The following COL5A2 variants were observed in gnomAD, a reference collection of about 807,000 sequenced individuals.
COL5A2 encodes collagen type V alpha 2 chain.
A neutral mutation model predicts 208.2 loss-of-function variants in COL5A2; 23 were observed. The observed-to-expected ratio is 0.11, with a 90% CI of 0.08 to 0.16. The LOEUF is 0.16. COL5A2 is among the 10% of genes least tolerant of loss of function. The pLI, the probability that COL5A2 is intolerant of heterozygous loss-of-function variation, is 1.00. For synonymous variants in COL5A2, 625 were observed against 628.5 expected (o/e 0.99, Z 0.08); for missense variants, 1,590 against 1,956.4 (o/e 0.81, Z 3.53).
chr2:189,063,852 G>A, intron 26 of COL5A2, 128 bp downstream of exon 26: 2 of 725,926 alleles, frequency 2.8e-6, no homozygotes. Flanking sequence ...GCTTCCAGAA[G>A]TTGGTACAAA....
At chr2:189,388,222 A>C in the COL5A2 span, among the ~76,000 whole-genome samples, 9 of 152,308 alleles carry the variant, frequency 5.9e-5, no homozygotes, top group African/African-American at 1.9e-4. Flanking sequence ...TTACTGCTAT[A>C]TGAAAATAAA....
the COL5A2 span, among the ~76,000 whole-genome samples, chr2:189,254,471 GT>G: frequency 6.6e-6 from 1 of 152,214 alleles, no homozygotes; most frequent in Non-Finnish European, 1.5e-5. Context: ...GCTTTAAAAT[GT>G]TTTGGGAGGG....
the COL5A2 span, among the ~76,000 whole-genome samples, chr2:189,248,794 T>C: frequency 1.3e-5 from 2 of 152,290 alleles, no homozygotes; most frequent in Middle Eastern, 3.4e-3. Context: ...GATTTTGTGG[T>C]TTGAATAATA....
chr2:189,252,111 A>C, the COL5A2 span, among the ~76,000 whole-genome samples: 1 of 152,196 alleles, frequency 6.6e-6, no homozygotes, highest in African/African-American at 2.4e-5. Flanking sequence ...GTCAGGAAAC[A>C]ACAGGTGCTG....
the COL5A2 span, among the ~76,000 whole-genome samples, chr2:189,231,034 G>T: frequency 3.3e-5 from 5 of 151,898 alleles, no homozygotes; most frequent in African/African-American, 1.2e-4. Context: ...CAACATGGAT[G>T]AATCTTGGAG....
At chr2:189,072,400 T>TA (rs1392939592) in intron 17 of COL5A2, among the ~76,000 whole-genome samples, 1 of 152,184 alleles carries the variant, frequency 6.6e-6, no homozygotes, top group Admixed American at 6.5e-5. Flanking sequence ...TTCTTTGTGT[T>TA]AATCAAATAA....
the COL5A2 span, among the ~76,000 whole-genome samples, chr2:189,358,615 CT>C: frequency 6.6e-6 from 1 of 152,054 alleles, no homozygotes; most frequent in African/African-American, 2.4e-5. Context: ...TGAAGAACAT[CT>C]TAGGTGTTTT....
intron 19 of COL5A2, 83 bp from the exon 20 acceptor site, chr2:189,068,353 C>A (rs1021100106): frequency 1.3e-5 from 16 of 1,206,104 alleles, no homozygotes; most frequent in Non-Finnish European, 2.0e-5. Context: ...GTCCAGCCAT[C>A]TTCAAAAAGG....
the COL5A2 span, among the ~76,000 whole-genome samples, chr2:189,303,305 A>G: frequency 1.3e-5 from 2 of 152,150 alleles, no homozygotes; most frequent in Non-Finnish European, 2.9e-5. Context: ...TCTTACATTC[A>G]TTTCTTTTAT....
the COL5A2 span, among the ~76,000 whole-genome samples, chr2:189,289,489 C>T: frequency 6.6e-6 from 1 of 152,004 alleles, no homozygotes; most frequent in Non-Finnish European, 1.5e-5. Flanking sequence ...CAAGGATGCC[C>T]ACTCTTACCA....
chr2:189,404,092 T>C, the COL5A2 span, among the ~76,000 whole-genome samples: 2 of 152,178 alleles, frequency 1.3e-5, no homozygotes, highest in African/African-American at 4.8e-5. Context: ...ATCTCTCTTT[T>C]GTCATTTAAA....
the COL5A2 span, among the ~76,000 whole-genome samples, chr2:189,230,485 A>G: frequency 6.6e-6 from 1 of 151,866 alleles, no homozygotes; most frequent in East Asian, 1.9e-4. Context: ...CCTATAGCTC[A>G]ACAGCAAGAA....
chr2:189,105,007 T>C (rs1687122745), intron 2 of COL5A2, among the ~76,000 whole-genome samples: 1 of 151,782 alleles, frequency 6.6e-6, no homozygotes, highest in Admixed American at 6.6e-5. Flanking sequence ...ATTTGGATTG[T>C]TTCTAATCTT....
the COL5A2 span, among the ~76,000 whole-genome samples, chr2:189,313,084 T>C: frequency 6.6e-6 from 1 of 151,670 alleles, no homozygotes; most frequent in Non-Finnish European, 1.5e-5. Flanking sequence ...ATTAATAGCG[T>C]AATAGATCAA....
the COL5A2 span, among the ~76,000 whole-genome samples, chr2:189,309,597 T>G: frequency 6.6e-6 from 1 of 152,202 alleles, no homozygotes; most frequent in African/African-American, 2.4e-5. Context: ...TAAATGTATT[T>G]TACTTCCTTT....
chr2:189,143,283 G>C (rs1245172689), intron 1 of COL5A2, among the ~76,000 whole-genome samples: 1 of 152,170 alleles, frequency 6.6e-6, no homozygotes, highest in Non-Finnish European at 1.5e-5. Context: ...ACTGGAAGAA[G>C]GAATGCCTTT....
rs534626192 is a variant in COL5A2 at position 189,052,898 on chromosome 2, C to A, written c.2661+13G>T. 9.3e-6 allele frequency: 15 copies of A among 1,613,560 alleles called. No homozygotes were observed. In the East Asian group the frequency reaches 3.1e-4, roughly 34 times the overall value. Reference sequence around the variant, plus strand: ...CACTTGACTCAAGTTATGCCTTTTTCTTGTTAACTTACATGAGGGCCAGGG... The same window carrying A: ...CACTTGACTCAAGTTATGCCTTTTTATTGTTAACTTACATGAGGGCCAGGG... On this transcript the variant is annotated intron_variant, in intron 39 of 53. Transcript: ENST00000374866.
the COL5A2 span, among the ~76,000 whole-genome samples, chr2:189,250,517 G>A: frequency 6.6e-6 from 1 of 152,220 alleles, no homozygotes; most frequent in East Asian, 1.9e-4. Context: ...TCAATAGAGT[G>A]GCTAACATTA....
the COL5A2 span, among the ~76,000 whole-genome samples, chr2:189,230,506 C>A: frequency 1.3e-5 from 2 of 151,410 alleles, no homozygotes; most frequent in Non-Finnish European, 3.0e-5. Context: ...AATAAATGAC[C>A]CAATTTTAAA....
Sources: gnomAD v4.1 joint callset for allele counts (sites outside exome capture counted in the v4.1 genomes callset) on GRCh38, gnomAD v4.1.1 for gene constraint, MANE v1.5 for transcripts, NCBI Gene and HGNC (gene_info 2026-07-23, HGNC 2026-07-21) for gene names.